ADAMTS3: variants seen among roughly 807,000 people sequenced by gnomAD.
ADAMTS3 encodes the protein ADAM metallopeptidase with thrombospondin type 1 motif 3.
ADAMTS3 carries 73 observed loss-of-function variants against 129.0 expected under a neutral mutation model. The observed-to-expected ratio is 0.57, with a 90% CI of 0.47 to 0.69. The LOEUF (loss-of-function observed/expected upper bound fraction) is 0.69. Ranked by LOEUF, ADAMTS3 falls within the 30% of genes least tolerant of loss-of-function variation. The probability of loss-of-function intolerance (pLI) is 0.00; values close to 1 mark genes in which losing one functional copy is unlikely to be tolerated. For missense variants in ADAMTS3, 1,457 were observed against 1,514.5 expected, an observed-to-expected ratio of 0.96 and a Z score of 0.63; for synonymous variants, 477 against 510.8, an observed-to-expected ratio of 0.93 and a Z score of 0.89.
At chr4:72,318,803 T>C (rs1719469520) in intron 9 of ADAMTS3, 99 bp from the exon 10 acceptor site, 14 of 1,223,698 alleles carry the variant, frequency 1.1e-5, no homozygotes, top group Non-Finnish European at 3.4e-6. Flanking sequence ...CTTTAGAATT[T>C]CATCCCAGAT....
At chr4:72,416,319 C>T (rs960168567) in intron 3 of ADAMTS3, among the ~76,000 whole-genome samples, 1 of 151,764 alleles carries the variant, frequency 6.6e-6, no homozygotes, top group African/African-American at 2.4e-5. Flanking sequence ...ATAGTATTTC[C>T]CTTCTTTCCC....
intron 4 of ADAMTS3, among the ~76,000 whole-genome samples, chr4:72,359,081 CGA>C (rs1182106903): frequency 9.2e-5 from 14 of 151,820 alleles, no homozygotes; most frequent in Non-Finnish European, 1.8e-4. Context: ...ATTTAAAAGT[CGA>C]GAGTGAGTAG....
chr4:72,568,707 G>T lies in ADAMTS3; in HGVS notation c.56C>A (p.Ser19Ter), dbSNP rs1387488829. ...IAAALVEVRT[S>*]ADGQAGNEEM... The stretch of plus-strand genomic sequence containing the variant: ...TTTTCCACTTACTTGTCCATCAGCT[G>T]AAGTCCTAACCTCTACCAGAGCGGC... The change falls in exon 1 of 22, where the codon TCA becomes TAA. Residue 19 changes from serine (S) to a stop codon, truncating the protein, a stop_gained. Coordinates refer to ENST00000286657, the MANE Select transcript of ADAMTS3 (RefSeq NM_014243.3). LOFTEE classifies it high-confidence loss of function. The T allele has an allele frequency of 1.2e-6, 2 of 1,613,580 alleles. No individual in the cohort carries two copies. Among genetic ancestry groups the T allele is most frequent in the East Asian group, 2.2e-5 (1 of 44,846 alleles).
intron 3 of ADAMTS3, among the ~76,000 whole-genome samples, chr4:72,532,679 T>C (rs1578771330): frequency 6.6e-6 from 1 of 152,150 alleles, no homozygotes; most frequent in East Asian, 1.9e-4. Context: ...TGTATCCTAC[T>C]ACATACCTAC....
chr4:72,370,430 G>A (rs1373155648), intron 4 of ADAMTS3, among the ~76,000 whole-genome samples: 1 of 151,932 alleles, frequency 6.6e-6, no homozygotes, highest in Non-Finnish European at 1.5e-5. Context: ...TCTGCTTATT[G>A]TATCATTTGC....
intron 4 of ADAMTS3, among the ~76,000 whole-genome samples, chr4:72,349,197 C>T (rs1720364543): frequency 6.6e-6 from 1 of 151,944 alleles, no homozygotes; most frequent in Non-Finnish European, 1.5e-5. Context: ...AATAAATAGG[C>T]TGAGCTAGCT....
chr4:72,485,630 C>T (rs1719570052), intron 3 of ADAMTS3, among the ~76,000 whole-genome samples: 1 of 152,072 alleles, frequency 6.6e-6, no homozygotes, highest in African/African-American at 2.4e-5. Context: ...ATTTTCAAAA[C>T]ACAAACTTTT....
intron 3 of ADAMTS3, among the ~76,000 whole-genome samples, chr4:72,416,282 T>C (rs1025941098): frequency 6.6e-6 from 1 of 151,662 alleles, no homozygotes; most frequent in East Asian, 1.9e-4. Flanking sequence ...GTCCTTTTCC[T>C]TTCTGTTCTG....
intron 2 of ADAMTS3, among the ~76,000 whole-genome samples, chr4:72,557,640 G>A (rs180829837): frequency 6.6e-6 from 1 of 151,464 alleles, no homozygotes; most frequent in East Asian, 1.9e-4. Flanking sequence ...TTAAAAATCT[G>A]GCTTATTAAT....
intron 4 of ADAMTS3, among the ~76,000 whole-genome samples, chr4:72,402,920 T>C (rs1721960988): frequency 6.6e-6 from 1 of 152,048 alleles, no homozygotes; most frequent in Non-Finnish European, 1.5e-5. Context: ...TTTACGGAAA[T>C]AGTTGCTTAT....
chr4:72,421,783 C>T (rs976841402), intron 3 of ADAMTS3, among the ~76,000 whole-genome samples: 2 of 152,076 alleles, frequency 1.3e-5, no homozygotes, highest in African/African-American at 4.8e-5. Flanking sequence ...CACCTCTTCC[C>T]GTCACACTAT....
At chr4:72,285,340 TTAA>T (rs151048723) in intron 21 of ADAMTS3, among the ~76,000 whole-genome samples, 1,560 of 152,334 alleles carry the variant, frequency 0.01, 26 homozygotes, top group African/African-American at 0.036. Context: ...GAGCATTATA[TTAA>T]TGAGTTTCAC....
chr4:72,407,913 G>A (rs1446364971), intron 4 of ADAMTS3, among the ~76,000 whole-genome samples: 2 of 152,106 alleles, frequency 1.3e-5, no homozygotes, highest in Non-Finnish European at 2.9e-5. Context: ...CTTATTGAGG[G>A]AAATAGCTCC....
intron 17 of ADAMTS3, 36 bp from the exon 18 acceptor site, chr4:72,298,478 G>C (rs371059959): frequency 6.8e-7 from 1 of 1,472,920 alleles, no homozygotes; most frequent in African/African-American, 1.4e-5. Context: ...TAAATCACCT[G>C]AGGGTTTTAA....
chr4:72,403,137 C>G (rs928520487), intron 4 of ADAMTS3, among the ~76,000 whole-genome samples: 1 of 151,954 alleles, frequency 6.6e-6, no homozygotes, highest in African/African-American at 2.4e-5. Context: ...CTTAATTTTT[C>G]CTTTGTTTTT....
At chr4:72,342,359 CTTTTTT>C (rs58586015) in intron 4 of ADAMTS3, among the ~76,000 whole-genome samples, 4 of 127,270 alleles carry the variant, frequency 3.1e-5, no homozygotes, top group African/African-American at 1.2e-4. Context: ...TCCCCAATTA[CTTTTTT>C]TTTTTTTTTT....
At chr4:72,359,188 T>C (rs1405344145) in intron 4 of ADAMTS3, among the ~76,000 whole-genome samples, 11 of 152,004 alleles carry the variant, frequency 7.2e-5, no homozygotes, top group Admixed American at 5.3e-4. Context: ...TCAACAAAAT[T>C]AATTTTACAA....
intron 3 of ADAMTS3, among the ~76,000 whole-genome samples, chr4:72,544,180 T>C (rs993171601): frequency 2.0e-5 from 3 of 152,122 alleles, no homozygotes; most frequent in Non-Finnish European, 4.4e-5. Context: ...CAAAAATTAA[T>C]CAACTGTTTT....
chr4:72,353,578 CA>C (rs1720498572), intron 4 of ADAMTS3, among the ~76,000 whole-genome samples: 1 of 151,928 alleles, frequency 6.6e-6, no homozygotes, highest in African/African-American at 2.4e-5. Flanking sequence ...CTCCCATTCC[CA>C]GATTTTAGCA....
Sources: gnomAD v4.1 joint callset for allele counts (sites outside exome capture counted in the v4.1 genomes callset) on GRCh38, gnomAD v4.1.1 for gene constraint, MANE v1.5 for transcripts, NCBI Gene and HGNC (gene_info 2026-07-23, HGNC 2026-07-21) for gene names.